BRSK1: variants seen among roughly 807,000 people sequenced by gnomAD.
The protein encoded by BRSK1 is BR serine/threonine kinase 1.
A neutral mutation model predicts 86.2 loss-of-function variants in BRSK1; 17 were observed. That is an observed-to-expected ratio of 0.20 (90% CI 0.14 to 0.30). BRSK1 has a LOEUF of 0.30. Ranked by LOEUF, BRSK1 falls within the 10% of genes least tolerant of loss-of-function variation. The pLI, the probability that BRSK1 is intolerant of heterozygous loss-of-function variation, is 1.00. For synonymous variants in BRSK1, 464 were observed against 440.1 expected, an observed-to-expected ratio of 1.05 and a Z score of -0.68; for missense variants, 719 against 1,071.9, an observed-to-expected ratio of 0.67 and a Z score of 4.60.
In BRSK1 at chr19:55,312,244, G is replaced by A. The variant is rs1281664427; in HGVS notation, c.*176G>A. ...GTGCCCAACTGGGGGTGGTTCTAGGGGAACAGGGGGCGGGGGAGCTGTTTC... is the reference window on the plus strand; with the variant it reads ...GTGCCCAACTGGGGGTGGTTCTAGGAGAACAGGGGGCGGGGGAGCTGTTTC... On this transcript the variant is annotated 3_prime_UTR_variant, in exon 19 of 19. Transcript: ENST00000309383. 7.3e-6 allele frequency: 3 copies of A among 412,876 alleles called. No individual in the cohort carries two copies. Among genetic ancestry groups the A allele is most frequent in the Admixed American group, 8.3e-5 (2 of 23,960 alleles). The allele number at this position is 412,876 out of a possible 1,614,324, so 25.6% of individuals were successfully genotyped here.
chr19:55,293,799 G>A (rs2088444245), intron 4 of BRSK1, among the ~76,000 whole-genome samples: 1 of 152,188 alleles, frequency 6.6e-6, no homozygotes. Flanking sequence ...GACAGAGCGA[G>A]ATTCCATCTC....
In BRSK1 at chr19:55,305,298, G is replaced by A. The variant is rs1284405338; in HGVS notation, c.1718-23G>A. ...GGGATGATGCACAGGTGTTGACCAC[G>A]TTCTCTGCCTTCCCCCTACCAGTCC... On this transcript the variant is annotated intron_variant, in intron 14 of 18. Coordinates refer to ENST00000309383, the MANE Select transcript of BRSK1 (RefSeq NM_032430.2). 8 of 1,613,744 alleles carry A rather than the reference G, an allele frequency of 5.0e-6. No individual in the cohort carries two copies. The South Asian group carries it at 8.8e-5, about 18-fold the overall frequency.
In BRSK1 at chr19:55,301,568, G is replaced by T; in HGVS notation, c.735G>T (p.Arg245=). ...GCCAGCTGCTGGAGAAGGTGAAACG[G>T]GGCGTCTTCCACATGCCCCACTTCA... ...NLRQLLEKVK[R]GVFHMPHFIP... The change falls in exon 8 of 19, where the codon CGG becomes CGT. Residue 245 remains arginine, a synonymous_variant. Coordinates refer to ENST00000309383, the MANE Select transcript of BRSK1 (RefSeq NM_032430.2). The T allele has an allele frequency of 6.2e-7, 1 of 1,613,872 alleles. No individual in the cohort carries two copies. The highest frequency in any genetic ancestry group is 1.1e-5 in the South Asian group (1 of 90,976).
chr19:55,304,969 T>TAA lies in BRSK1; in HGVS notation c.1717+53_1717+54dup. On this transcript the variant is annotated intron_variant, in intron 14 of 18. Coordinates refer to ENST00000309383, the MANE Select transcript of BRSK1 (RefSeq NM_032430.2). The surrounding 1 kb of genome is among the most constrained non-coding windows in gnomAD (Gnocchi z 5.2). ...TCCTAATGTGGGGAGAGGTTGGGGCTAAAAATCTGGTTCCAGGGATGTCCG... is the reference window on the plus strand; with the variant it reads ...TCCTAATGTGGGGAGAGGTTGGGGCTAAAAAAATCTGGTTCCAGGGATGTCCG... 1 of 1,591,248 alleles carries TAA rather than the reference T, an allele frequency of 6.3e-7. No individual in the cohort carries two copies. The highest frequency in any genetic ancestry group is 1.1e-5 in the South Asian group (1 of 90,006).
Position 55,294,676 on chromosome 19 carries a change from A to G in BRSK1, c.678+279A>G, listed in dbSNP as rs559739596. Among the ~76,000 whole-genome samples, 20 of 151,814 alleles carry G rather than the reference A, an allele frequency of 1.3e-4. No individual in the cohort carries two copies. Among genetic ancestry groups the G allele is most frequent in the South Asian group, 8.3e-4 (4 of 4,810 alleles). On this transcript the variant is annotated intron_variant, in intron 7 of 18. Coordinates refer to ENST00000309383, the MANE Select transcript of BRSK1 (RefSeq NM_032430.2). This position sits in a 1 kb window ranked among gnomAD's most constrained non-coding sequence, Gnocchi z 4.9. ...ACCACCACTTCCAGATAATTTTTGA[A>G]TTTTTAGTAGAGACAGGGTTTCGCC...
At chr19:55,307,547 T>TGAA (rs2088672396) in intron 17 of BRSK1, among the ~76,000 whole-genome samples, 1 of 41,682 alleles carries the variant, frequency 2.4e-5, no homozygotes, top group African/African-American at 2.1e-4. Flanking sequence ...AGACTCTGTC[T>TGAA]CAAAAAAAAA....
At chr19:55,299,833 A>G (rs2088544966) in intron 7 of BRSK1, among the ~76,000 whole-genome samples, 1 of 152,074 alleles carries the variant, frequency 6.6e-6, no homozygotes, top group Non-Finnish European at 1.5e-5. Context: ...ATCGGCATTC[A>G]GAGGTGCCTT....
rs2088628213 is a variant in BRSK1 at position 55,305,000 on chromosome 19, C to A, written c.1717+80C>A. On this transcript the variant is annotated intron_variant, in intron 14 of 18. Transcript: ENST00000309383. This position sits in a 1 kb window ranked among gnomAD's most constrained non-coding sequence, Gnocchi z 5.2. ...TCTGGTTCCAGGGATGTCCGTCTGG[C>A]GTGTCTAGAGAGGAAGGGACTGGGG... 1.9e-6 allele frequency: 3 copies of A among 1,567,252 alleles called. No homozygotes were observed. The highest frequency in any genetic ancestry group is 2.6e-6 in the Non-Finnish European group (3 of 1,163,380).
chr19:55,309,702 T>C (rs1467637618), intron 18 of BRSK1, among the ~76,000 whole-genome samples: 1 of 152,168 alleles, frequency 6.6e-6, no homozygotes, highest in Non-Finnish European at 1.5e-5. Context: ...CACCTTGGGA[T>C]TGGGTTTCAG....
intron 4 of BRSK1, 88 bp from the exon 5 acceptor site, chr19:55,293,929 C>G: frequency 1.8e-6 from 2 of 1,142,080 alleles, no homozygotes; most frequent in Non-Finnish European, 2.5e-6. Flanking sequence ...AAAAAGTATG[C>G]AGAAGTGTTC....
chr19:55,308,501 G>C (rs1019914047), intron 17 of BRSK1, 138 bp from the exon 18 acceptor site: 10 of 680,874 alleles, frequency 1.5e-5, no homozygotes, highest in Non-Finnish European at 2.7e-5. Flanking sequence ...GGATTGATGT[G>C]GCCCCAGCGG....
chr19:55,308,673 C>A lies in BRSK1; in HGVS notation c.2124C>A (p.Thr708=), dbSNP rs763172771. ...PSRRFKRVVE[T]IQAQLLSTHD... Reference sequence around the variant, plus strand: ...GTCGGTTCAAGCGAGTGGTGGAGACCATCCAGGCACAGCTCCTGAGCACTC... The same window carrying A: ...GTCGGTTCAAGCGAGTGGTGGAGACAATCCAGGCACAGCTCCTGAGCACTC... The change falls in exon 18 of 19, where the codon ACC becomes ACA. Residue 708 remains threonine (T), a synonymous_variant. Transcript: ENST00000309383. The A allele has an allele frequency of 1.2e-6, 2 of 1,602,662 alleles. No individual in the cohort carries two copies. Among genetic ancestry groups the A allele is most frequent in the South Asian group, 2.2e-5 (2 of 90,874 alleles).
rs1013893450 is a variant in BRSK1, at chr19:55,284,109, G to A, written c.-334G>A. The A allele has an allele frequency of 6.5e-5, 78 of 1,199,998 alleles. No homozygotes were observed. In the African/African-American group the frequency reaches 1.1e-3, roughly 17 times the overall value. 74.3% of individuals were successfully genotyped at this position (1,199,998 alleles called of 1,614,324 possible). ...GGGGGGGCGGGGGGGACCTCGGCCTGCAGCATCCGCCGGCCCGCACCTCAG... is the reference window on the plus strand; with the variant it reads ...GGGGGGGCGGGGGGGACCTCGGCCTACAGCATCCGCCGGCCCGCACCTCAG... On this transcript the variant is annotated 5_prime_UTR_variant, in exon 1 of 19. Transcript: ENST00000309383.
chr19:55,297,017 A>AAAATAAAT (rs376313794), intron 7 of BRSK1, among the ~76,000 whole-genome samples: 2 of 151,958 alleles, frequency 1.3e-5, no homozygotes, highest in Non-Finnish European at 2.9e-5. Flanking sequence ...CCTCGTCTCA[A>AAAATAAAT]AAATAAATAA....
In BRSK1 at chr19:55,302,554, C is replaced by A; in HGVS notation, c.858-143C>A. The A allele has an allele frequency of 9.1e-7, 1 of 1,104,476 alleles. No individual in the cohort carries two copies. The highest frequency in any genetic ancestry group is 1.3e-6 in the Non-Finnish European group (1 of 767,640). The allele number at this position is 1,104,476 out of a possible 1,614,324, so 68.4% of individuals were successfully genotyped here. On this transcript the variant is annotated intron_variant, in intron 9 of 18. Transcript: ENST00000309383. This position sits in a 1 kb window ranked among gnomAD's most constrained non-coding sequence, Gnocchi z 6.3. ...CTGGGTCTGAGATGGGGGGCGAGGT[C>A]TGGGGCGTCTGGATTCCTGGGTATG...
At chr19:55,286,088 AGTGCTGGGTCTG>A (rs2088309434) in intron 1 of BRSK1, among the ~76,000 whole-genome samples, 1 of 53,570 alleles carries the variant, frequency 1.9e-5, no homozygotes. Context: ...GGGGGCCTGG[AGTGCTGGGTCTG>A]AGGGAGGAGG....
rs1034960473 is a variant in BRSK1 at position 55,309,990 on chromosome 19, G to A, written c.2179+1262G>A. Among the ~76,000 whole-genome samples, 3 of 152,148 alleles carry A rather than the reference G, an allele frequency of 2.0e-5. No individual in the cohort carries two copies. The South Asian group carries it at 6.2e-4, about 32-fold the overall frequency. The stretch of plus-strand genomic sequence containing the variant: ...CCCCTGGACCCCGTTGAAAGGAAAC[G>A]GCCCAGCGTTGAGGCCAGGAGCCAG... On this transcript the variant is annotated intron_variant, in intron 18 of 18. Transcript: ENST00000309383.
At position 55,302,274 on chromosome 19, in the gene BRSK1, A is replaced by C; in HGVS notation, c.857+106A>C. On this transcript the variant is annotated intron_variant, in intron 9 of 18. Transcript: ENST00000309383. This position sits in a 1 kb window ranked among gnomAD's most constrained non-coding sequence, Gnocchi z 6.3. ...TGGGATGCCAGGGTTCCTGAGAGGC[A>C]ACGGGCTAGGGACTCGGACTTATGG... 1 of 1,338,610 alleles carries C rather than the reference A, an allele frequency of 7.5e-7. No homozygotes were observed. Among genetic ancestry groups the C allele is most frequent in the Non-Finnish European group, 1.1e-6 (1 of 930,624 alleles). 82.9% of individuals were successfully genotyped at this position (1,338,610 alleles called of 1,614,324 possible).
intron 1 of BRSK1, among the ~76,000 whole-genome samples, chr19:55,286,345 C>T (rs1486188510): frequency 6.6e-6 from 1 of 151,542 alleles, no homozygotes; most frequent in Non-Finnish European, 1.5e-5. Context: ...GTCCTGGAGT[C>T]GAGGGTCCTG....
Sources: gnomAD v4.1 joint callset for allele counts (sites outside exome capture counted in the v4.1 genomes callset) on GRCh38, gnomAD v4.1.1 for gene constraint, Gnocchi (gnomAD v3.1) non-coding constraint, MANE v1.5 for transcripts, NCBI Gene and HGNC (gene_info 2026-07-23, HGNC 2026-07-21) for gene names.